The following JADE2 variants were observed in gnomAD, a reference collection of about 807,000 sequenced individuals.
JADE2 encodes the protein E3 ubiquitin-protein ligase Jade-2.
Under a neutral mutation model 85.7 loss-of-function variants are expected in JADE2, and 13 were observed. The observed-to-expected ratio is 0.15, with a 90% CI of 0.10 to 0.24. The LOEUF is 0.24. Among genes scored for constraint, JADE2 ranks in the 10% least tolerant of loss-of-function variants. JADE2 has a pLI of 1.00. For missense variants in JADE2, 846 were observed against 1,115.9 expected, an observed-to-expected ratio of 0.76 and a Z score of 3.45; for synonymous variants, 440 against 456.1, an observed-to-expected ratio of 0.96 and a Z score of 0.45.
chr5:134,579,590 C>G lies in JADE2; in HGVS notation c.*273C>G, dbSNP rs933586404. Reference sequence around the variant, plus strand: ...TCCCTGCCCTGCCCACGTGGTATTGCTGGGCTCCTGGCTAGATGCAAGCAA... The same window carrying G: ...TCCCTGCCCTGCCCACGTGGTATTGGTGGGCTCCTGGCTAGATGCAAGCAA... On this transcript the variant is annotated 3_prime_UTR_variant, in exon 12 of 12. Transcript: ENST00000681547. The surrounding 1 kb of genome is among the most constrained non-coding windows in gnomAD (Gnocchi z 4.6). 4.7e-6 allele frequency: 2 copies of G among 421,116 alleles called. No individual in the cohort carries two copies. Among genetic ancestry groups the G allele is most frequent in the African/African-American group, 3.9e-5 (2 of 50,830 alleles). 26.1% of individuals were successfully genotyped at this position (421,116 alleles called of 1,614,324 possible).
chr5:134,566,235 G>A lies in JADE2; in HGVS notation c.1089G>A (p.Glu363=). Residue 363 remains glutamate, a synonymous_variant, in exon 9 of 12, where the codon GAG becomes GAA. Coordinates refer to ENST00000681547, the MANE Select transcript of JADE2 (RefSeq NM_001388185.1). This position sits in a 1 kb window ranked among gnomAD's most constrained non-coding sequence, Gnocchi z 6.7. ...TCAAGTTCAAGTCATTCTGCCAGGA[G>A]CACAGTGACGGGGGCCCACGTAATG... ...DEVKFKSFCQ[E]HSDGGPRNEP... is the part of the protein sequence containing the mutation. 6.2e-7 allele frequency: 1 copy of A among 1,614,166 alleles called. No individual in the cohort carries two copies. The highest frequency in any genetic ancestry group is 8.5e-7 in the Non-Finnish European group (1 of 1,180,036).
chr5:134,556,975 C>A (rs1762988146), intron 4 of JADE2, among the ~76,000 whole-genome samples: 1 of 148,208 alleles, frequency 6.7e-6, no homozygotes, highest in Admixed American at 6.7e-5. Context: ...TCACACATCA[C>A]ACAAAACACA....
intron 3 of JADE2, among the ~76,000 whole-genome samples, chr5:134,541,349 A>G (rs1040205462): frequency 1.3e-5 from 2 of 152,250 alleles, no homozygotes; most frequent in Non-Finnish European, 2.9e-5. Flanking sequence ...TATTTGGCTC[A>G]TGAGAGGGCA....
intron 1 of JADE2, among the ~76,000 whole-genome samples, chr5:134,532,698 C>T (rs1257811473): frequency 2.6e-5 from 4 of 152,116 alleles, no homozygotes; most frequent in Non-Finnish European, 5.9e-5. Flanking sequence ...CACCTCCACC[C>T]CCCAAGTGTG....
chr5:134,582,715 G>A lies in JADE2; in HGVS notation c.*3398G>A, dbSNP rs1043772649. ...ACCTCCTGCCACTTTCTCCCTCAGAGGCACAAACACTTTGTGTTCCACGTC... is the reference window on the plus strand; with the variant it reads ...ACCTCCTGCCACTTTCTCCCTCAGAAGCACAAACACTTTGTGTTCCACGTC... On this transcript the variant is annotated 3_prime_UTR_variant, in exon 12 of 12. Coordinates refer to ENST00000681547, the MANE Select transcript of JADE2 (RefSeq NM_001388185.1). 2.6e-5 allele frequency: 4 copies of A among 152,676 alleles called. No individual in the cohort carries two copies. The highest frequency in any genetic ancestry group is 2.0e-4 in the Admixed American group (3 of 15,286). 9.5% of individuals were successfully genotyped at this position (152,676 alleles called of 1,614,324 possible).
Position 134,559,861 on chromosome 5 carries a change from C to A in JADE2, c.343C>A (p.Gln115Lys). ...CCCACCACTGGAAGGCCCCCCTGCC[C>A]AGGCATCCCCGAGCAGCACCATGCT... ...ILPPLEGPPA[Q>K]ASPSSTMLGE... The change falls in exon 5 of 12, where the codon CAG becomes AAG. Residue 115 changes from glutamine to lysine, a missense_variant. This residue lies in a region of JADE2 where 78 missense variants were observed against 64.9 expected (regional missense o/e 1.20). Coordinates refer to ENST00000681547, the MANE Select transcript of JADE2 (RefSeq NM_001388185.1). The A allele has an allele frequency of 6.2e-7, 1 of 1,612,440 alleles. No individual in the cohort carries two copies.
intron 3 of JADE2, among the ~76,000 whole-genome samples, chr5:134,542,643 C>T (rs1465889572): frequency 2.0e-5 from 3 of 151,924 alleles, no homozygotes; most frequent in East Asian, 1.9e-4. Flanking sequence ...GGTTTCTCCA[C>T]GTTGGTCAGG....
At chr5:134,561,570 C>T (rs1055251737) in intron 6 of JADE2, among the ~76,000 whole-genome samples, 3 of 152,190 alleles carry the variant, frequency 2.0e-5, no homozygotes, top group Non-Finnish European at 2.9e-5. Context: ...TGGGCCTTGA[C>T]TGCAGACCTG....
chr5:134,554,443 C>G (rs938253719), intron 4 of JADE2, among the ~76,000 whole-genome samples: 1 of 152,134 alleles, frequency 6.6e-6, no homozygotes, highest in African/African-American at 2.4e-5. Context: ...AGCGGTCTGT[C>G]CTCTCTACTT....
intron 3 of JADE2, 23 bp from the exon 4 acceptor site, chr5:134,552,029 C>CT: frequency 6.2e-7 from 1 of 1,614,156 alleles, no homozygotes; most frequent in Non-Finnish European, 8.5e-7. Context: ...TGAAGTCACT[C>CT]TTTCCCCTCT....
intron 4 of JADE2, among the ~76,000 whole-genome samples, chr5:134,552,987 C>CTTTTTTTTTT (rs34182692): frequency 1.6e-5 from 1 of 62,394 alleles, no homozygotes; most frequent in African/African-American, 6.8e-5. Context: ...TGGGCCTGGC[C>CTTTTTTTTTT]TTTTTTTTTT....
At chr5:134,539,971 A>G (rs533913369) in intron 3 of JADE2, among the ~76,000 whole-genome samples, 8 of 150,742 alleles carry the variant, frequency 5.3e-5, no homozygotes, top group Non-Finnish European at 8.9e-5. Flanking sequence ...CCATGGCCCC[A>G]TGGTGGGTAG....
chr5:134,532,699 C>A (rs1038427641), intron 1 of JADE2, among the ~76,000 whole-genome samples: 1 of 152,116 alleles, frequency 6.6e-6, no homozygotes, highest in African/African-American at 2.4e-5. Flanking sequence ...ACCTCCACCC[C>A]CCAAGTGTGT....
At chr5:134,530,449 C>A (rs1308170262) in intron 1 of JADE2, among the ~76,000 whole-genome samples, 1 of 152,012 alleles carries the variant, frequency 6.6e-6, no homozygotes, top group Non-Finnish European at 1.5e-5. Flanking sequence ...GGCCTAGTGG[C>A]CCCTGGAGAG....
intron 3 of JADE2, among the ~76,000 whole-genome samples, chr5:134,543,300 G>T (rs1762089828): frequency 1.3e-5 from 2 of 151,728 alleles, no homozygotes; most frequent in African/African-American, 4.8e-5. Flanking sequence ...AAAGTGCTGG[G>T]ATTACAGGCG....
At position 134,578,466 on chromosome 5, in the gene JADE2, G is replaced by A. The variant is rs777089943; in HGVS notation, c.1682-28G>A. The A allele has an allele frequency of 1.4e-5, 21 of 1,519,980 alleles. No homozygotes were observed. The highest frequency in any genetic ancestry group is 6.9e-5 in the African/African-American group (5 of 72,618). 94.2% of individuals were successfully genotyped at this position (1,519,980 alleles called of 1,614,324 possible). ...AAGGGTGGGACACACGTCTGCTGGC[G>A]TCTCACTTGCCTCCTCTCTCCCCTC... On this transcript the variant is annotated intron_variant, in intron 11 of 11. Coordinates refer to ENST00000681547, the MANE Select transcript of JADE2 (RefSeq NM_001388185.1). This position sits in a 1 kb window ranked among gnomAD's most constrained non-coding sequence, Gnocchi z 4.4.
intron 4 of JADE2, among the ~76,000 whole-genome samples, chr5:134,555,745 G>T (rs920421605): frequency 1.3e-5 from 2 of 152,226 alleles, no homozygotes; most frequent in African/African-American, 2.4e-5. Flanking sequence ...ATTTTTAAAA[G>T]AATGTGTTTG....
At chr5:134,554,822 G>A (rs1404173770) in intron 4 of JADE2, among the ~76,000 whole-genome samples, 1 of 152,190 alleles carries the variant, frequency 6.6e-6, no homozygotes, top group Non-Finnish European at 1.5e-5. Context: ...AGGCTGCCTG[G>A]TAGCTGCCCG....
At chr5:134,541,289 T>C (rs1421431701) in intron 3 of JADE2, among the ~76,000 whole-genome samples, 1 of 152,254 alleles carries the variant, frequency 6.6e-6, no homozygotes, top group East Asian at 1.9e-4. Context: ...CGGCATAAAT[T>C]CCAACTTATC....
Sources: allele counts gnomAD v4.1 joint callset (sites outside exome capture counted in the v4.1 genomes callset), GRCh38; gene constraint gnomAD v4.1.1; regional missense constraint gnomAD v4.1.1; non-coding constraint Gnocchi (gnomAD v3.1); transcripts MANE v1.5; gene names NCBI Gene and HGNC (gene_info 2026-07-23, HGNC 2026-07-21).